AKAP9: variants seen among roughly 807,000 people sequenced by gnomAD.
AKAP9 encodes the protein A-kinase anchoring protein 9, also known as A-kinase anchor protein 9.
Under a neutral mutation model 488.5 loss-of-function variants are expected in AKAP9, and 311 were observed. That is an observed-to-expected ratio of 0.64 (90% CI 0.58 to 0.70). The LOEUF is 0.70. AKAP9 is among the 30% of genes least tolerant of loss of function. The pLI, the probability that AKAP9 is intolerant of heterozygous loss-of-function variation, is 0.00. For synonymous variants in AKAP9, 1,462 were observed against 1,483.5 expected (o/e 0.99, Z 0.33); for missense variants, 4,215 against 4,374.5 (o/e 0.96, Z 1.03).
chr7:91,973,166 A>G (rs1275542745), intron 1 of AKAP9, among the ~76,000 whole-genome samples: 1 of 152,174 alleles, frequency 6.6e-6, no homozygotes, highest in African/African-American at 2.4e-5. Flanking sequence ...GCTTGAGCCC[A>G]GGAGTTGAAG....
At position 92,097,065 on chromosome 7, in the gene AKAP9, A is replaced by G. The variant is rs1415558796; in HGVS notation, c.10106A>G (p.Tyr3369Cys). 6.2e-7 allele frequency: 1 copy of G among 1,614,248 alleles called. No individual in the cohort carries two copies. The highest frequency in any genetic ancestry group is 1.1e-5 in the South Asian group (1 of 91,082). ...GAATTGTTAAATGAGACTGAAAAAT[A>G]TAAACTGGATTCTTTGCAAACACGA... ...IVELLNETEK[Y>C]KLDSLQTRQQ... The change falls in exon 41 of 50, where the codon TAT becomes TGT. Residue 3369 changes from tyrosine (Y) to cysteine (C), a missense_variant. Physicochemically the swap from Tyr to Cys is radical, Grantham distance 194. Around this residue, in one of 5 missense-constraint regions of AKAP9, gnomAD observed 1,476 missense variants for 1,477.4 expected, o/e 1.00. Coordinates refer to ENST00000356239, the MANE Select transcript of AKAP9 (RefSeq NM_005751.5).
chr7:91,990,646 A>G (rs988162622), intron 3 of AKAP9, among the ~76,000 whole-genome samples: 2 of 152,172 alleles, frequency 1.3e-5, no homozygotes, highest in Admixed American at 6.5e-5. Flanking sequence ...ACTAGATGAA[A>G]CTATAAACAT....
At chr7:92,061,450 G>A in intron 23 of AKAP9, 28 bp downstream of exon 23, 1 of 1,611,374 alleles carries the variant, frequency 6.2e-7, no homozygotes, top group Non-Finnish European at 8.5e-7. Flanking sequence ...GACAACTAAG[G>A]GTAGAGAAAT....
At position 92,002,072 on chromosome 7, in the gene AKAP9, C is replaced by A; in HGVS notation, c.2155C>A (p.Leu719Ile). 1 of 1,597,264 alleles carries A rather than the reference C, an allele frequency of 6.3e-7. No homozygotes were observed. The highest frequency in any genetic ancestry group is 1.2e-5 in the South Asian group (1 of 86,178). Residue 719 changes from leucine (L) to isoleucine (I), a missense_variant, in exon 8 of 50, where the codon CTT becomes ATT. Transcript: ENST00000356239. Reference sequence around the variant, plus strand: ...AAATTCAAAGTCAGAAGAAATGACTCTTCAAATCAATGAACTTCAAAAAGA... The same window carrying A: ...AAATTCAAAGTCAGAAGAAATGACTATTCAAATCAATGAACTTCAAAAAGA... ...LVNSKSEEMT[L>I]QINELQKEIE...
intron 1 of AKAP9, among the ~76,000 whole-genome samples, chr7:91,959,840 A>G (rs548210109): frequency 1.3e-5 from 2 of 152,262 alleles, no homozygotes; most frequent in Admixed American, 1.3e-4. Flanking sequence ...CCTGTTTGGC[A>G]CTGTTATTTT....
chr7:91,969,805 G>A (rs953741092), intron 1 of AKAP9, among the ~76,000 whole-genome samples: 9 of 152,036 alleles, frequency 5.9e-5, no homozygotes, highest in African/African-American at 2.2e-4. Context: ...TTCTTAATAG[G>A]CGAAGTGGGT....
chr7:92,080,025 T>A lies in AKAP9; in HGVS notation c.7892T>A (p.Ile2631Asn), dbSNP rs1202949777. Residue 2631 changes from isoleucine to asparagine, a missense_variant, in exon 31 of 50, where the codon ATT (isoleucine) becomes AAT (asparagine). Transcript: ENST00000356239. ...ATTTTAGAAAAAGAACAAGTAGAAA[T>A]TGCAGAAAAAAATGTTTTAGAAAAA... ...SLILEKEQVE[I>N]AEKNVLEKEK... The A allele has an allele frequency of 6.4e-7, 1 of 1,562,276 alleles. No homozygotes were observed.
rs1193407892 is a variant in AKAP9, at chr7:92,042,678, A to C, written c.5069A>C (p.Glu1690Ala). Residue 1690 changes from glutamate to alanine, a missense_variant, in exon 20 of 50, where the codon GAA becomes GCA. Glu to Ala is a moderately radical substitution (Grantham distance 107). This residue lies in a region of AKAP9 where 2,361 missense variants were observed against 2,430.0 expected (regional missense o/e 0.97). Transcript: ENST00000356239. Reference sequence around the variant, plus strand: ...CACAAACTTAAACAGAATGGAAATGAAAACCAAGGAGAAGTTGAAGAACAA... The same window carrying C: ...CACAAACTTAAACAGAATGGAAATGCAAACCAAGGAGAAGTTGAAGAACAA... ...NSSTQTQNGN[E>A]NQGEVEEQTF... 6.2e-7 allele frequency: 1 copy of C among 1,609,464 alleles called. No homozygotes were observed. Among genetic ancestry groups the C allele is most frequent in the African/African-American group, 1.3e-5 (1 of 74,824 alleles).
chr7:92,071,388 G>T (rs562126718), intron 28 of AKAP9, among the ~76,000 whole-genome samples: 309 of 142,616 alleles, frequency 2.2e-3, no homozygotes, highest in East Asian at 6.6e-3. Flanking sequence ...TTGCTGTGTG[G>T]TTTTTTTTTT....
intron 49 of AKAP9, among the ~76,000 whole-genome samples, chr7:92,109,699 C>T (rs1369532134): frequency 3.3e-5 from 5 of 152,098 alleles, no homozygotes; most frequent in African/African-American, 7.2e-5. Context: ...GCACTTTGGG[C>T]GGCCGAGGCA....
At chr7:91,994,305 C>G (rs1798128178) in intron 5 of AKAP9, among the ~76,000 whole-genome samples, 1 of 152,112 alleles carries the variant, frequency 6.6e-6, no homozygotes, top group South Asian at 2.1e-4. Flanking sequence ...TCTTCAGAAA[C>G]AAGTTGGAAT....
At position 91,980,395 on chromosome 7, in the gene AKAP9, CATTG is replaced by C. The variant is rs1325056797; in HGVS notation, c.351+67_351+70del. On this transcript the variant is annotated intron_variant, in intron 3 of 49. Transcript: ENST00000356239. ...TGTATATTTATATTATTATTGAAAT[CATTG>C]ATTGTTGCTACTTGATTTCTTGTCA... 41 of 708,612 alleles carry C rather than the reference CATTG, an allele frequency of 5.8e-5. 1 individual carries two copies. Among genetic ancestry groups the C allele is most frequent in the Middle Eastern group, 9.7e-4 (2 of 2,056 alleles). 43.9% of individuals were successfully genotyped at this position (708,612 alleles called of 1,614,324 possible).
chr7:92,023,114 G>A, intron 14 of AKAP9, 105 bp downstream of exon 14: 1 of 1,185,390 alleles, frequency 8.4e-7, no homozygotes, highest in Non-Finnish European at 1.3e-6. Context: ...CAAAGTTGCT[G>A]GAAAGAGATA....
intron 1 of AKAP9, among the ~76,000 whole-genome samples, chr7:91,944,119 G>T (rs183663737): frequency 2.0e-5 from 3 of 152,080 alleles, no homozygotes; most frequent in Non-Finnish European, 2.9e-5. Context: ...GTAATAATGG[G>T]TTAATAAATT....
At chr7:92,030,725 G>T (rs1331833073) in intron 15 of AKAP9, among the ~76,000 whole-genome samples, 2 of 151,288 alleles carry the variant, frequency 1.3e-5, no homozygotes, top group African/African-American at 4.9e-5. Context: ...ATTCCAATAA[G>T]GTCCGTATGG....
chr7:92,018,395 A>AACACACACACAC (rs56394853), intron 12 of AKAP9, among the ~76,000 whole-genome samples: 1,417 of 120,618 alleles, frequency 0.012, 13 homozygotes, highest in East Asian at 0.021. Context: ...CTAAAAATAT[A>AACACACACACAC]ACACACACAC....
Position 92,002,138 on chromosome 7 carries a change from C to T in AKAP9, c.2221C>T (p.Leu741Phe). The change falls in exon 8 of 50, where the codon CTT becomes TTT. Residue 741 changes from leucine to phenylalanine, a missense_variant. Around this residue, in one of 5 missense-constraint regions of AKAP9, gnomAD observed 2,361 missense variants for 2,430.0 expected, o/e 0.97. Coordinates refer to ENST00000356239, the MANE Select transcript of AKAP9 (RefSeq NM_005751.5). ...ACAAGAAGAAAAAGAAAAGGGTACACTTGAACAAGAAGTTCAAGAATTACA... is the reference window on the plus strand; with the variant it reads ...ACAAGAAGAAAAAGAAAAGGGTACATTTGAACAAGAAGTTCAAGAATTACA... ...LRQEEKEKGT[L>F]EQEVQELQLK... 6.3e-7 allele frequency: 1 copy of T among 1,593,398 alleles called. No individual in the cohort carries two copies. Among genetic ancestry groups the T allele is most frequent in the Non-Finnish European group, 8.5e-7 (1 of 1,173,834 alleles).
chr7:92,073,130 G>A (rs1366437863), intron 28 of AKAP9, among the ~76,000 whole-genome samples: 3 of 152,052 alleles, frequency 2.0e-5, no homozygotes, highest in Admixed American at 1.3e-4. Context: ...TAAAACTAGC[G>A]GTGGACGTCA....
intron 26 of AKAP9, 136 bp downstream of exon 26, chr7:92,066,682 T>C: frequency 8.8e-7 from 1 of 1,139,116 alleles, no homozygotes; most frequent in African/African-American, 1.5e-5. Flanking sequence ...TTAATATTAC[T>C]TAAGCATGAG....
Sources: gnomAD v4.1 joint callset for allele counts (sites outside exome capture counted in the v4.1 genomes callset) on GRCh38, gnomAD v4.1.1 for gene constraint, gnomAD v4.1.1 regional missense constraint, MANE v1.5 for transcripts, NCBI Gene and HGNC (gene_info 2026-07-23, HGNC 2026-07-21) for gene names.